PPP1R12A: variants seen among roughly 807,000 people sequenced by gnomAD.
The protein encoded by PPP1R12A is myosin binding subunit.
A neutral mutation model predicts 139.6 loss-of-function variants in PPP1R12A; 19 were observed. That is an observed-to-expected ratio of 0.14 (90% CI 0.09 to 0.20). The LOEUF is 0.20. PPP1R12A is among the 10% of genes least tolerant of loss of function. PPP1R12A has a pLI of 1.00. For synonymous variants in PPP1R12A, 427 were observed against 420.6 expected, an observed-to-expected ratio of 1.02 and a Z score of -0.19; for missense variants, 925 against 1,211.5, an observed-to-expected ratio of 0.76 and a Z score of 3.51.
At chr12:79,915,404 A>T (rs1217556105) in intron 1 of PPP1R12A, among the ~76,000 whole-genome samples, 1 of 152,094 alleles carries the variant, frequency 6.6e-6, no homozygotes, top group Admixed American at 6.5e-5. Flanking sequence ...AAATCTAAAA[A>T]CCTAGACACA....
intron 1 of PPP1R12A, among the ~76,000 whole-genome samples, chr12:79,912,874 G>A (rs906204477): frequency 1.3e-5 from 2 of 152,090 alleles, no homozygotes; most frequent in Non-Finnish European, 2.9e-5. Flanking sequence ...CATAGAGTAC[G>A]TTTCCATTGC....
At chr12:79,859,610 G>A (rs910797368) in intron 2 of PPP1R12A, among the ~76,000 whole-genome samples, 2 of 151,996 alleles carry the variant, frequency 1.3e-5, no homozygotes, top group African/African-American at 4.8e-5. Flanking sequence ...TTTCTATGCT[G>A]AAAATGTCAC....
intron 1 of PPP1R12A, among the ~76,000 whole-genome samples, chr12:79,905,285 A>G (rs1362312744): frequency 6.6e-6 from 1 of 151,588 alleles, no homozygotes; most frequent in Non-Finnish European, 1.5e-5. Flanking sequence ...TAGAGCGTGA[A>G]CCACATAAAG....
chr12:79,913,143 ATTTTC>A (rs1453806913), intron 1 of PPP1R12A, among the ~76,000 whole-genome samples: 2 of 152,146 alleles, frequency 1.3e-5, no homozygotes, highest in Non-Finnish European at 2.9e-5. Flanking sequence ...CCAATAGAAT[ATTTTC>A]TTTTGTGATG....
chr12:79,890,785 A>G (rs1457420518), intron 1 of PPP1R12A, among the ~76,000 whole-genome samples: 4 of 152,012 alleles, frequency 2.6e-5, no homozygotes, highest in Admixed American at 6.6e-5. Context: ...ATCAGACATA[A>G]GCATACACAT....
intron 2 of PPP1R12A, among the ~76,000 whole-genome samples, chr12:79,864,827 T>C (rs1244828863): frequency 2.0e-5 from 3 of 152,122 alleles, no homozygotes; most frequent in African/African-American, 7.2e-5. Flanking sequence ...GAGGCAATAA[T>C]AGCCTACCAA....
At chr12:79,918,298 C>T (rs1887160939) in intron 1 of PPP1R12A, among the ~76,000 whole-genome samples, 1 of 152,134 alleles carries the variant, frequency 6.6e-6, no homozygotes, top group African/African-American at 2.4e-5. Context: ...AAAAACCACA[C>T]TCCAAGCATG....
chr12:79,786,203 C>A (rs542876276), intron 22 of PPP1R12A, among the ~76,000 whole-genome samples, 171 bp downstream of exon 22: 2 of 152,238 alleles, frequency 1.3e-5, no homozygotes, highest in African/African-American at 4.8e-5. Flanking sequence ...TTGACTATGA[C>A]TATTTTTTAA....
intron 1 of PPP1R12A, among the ~76,000 whole-genome samples, chr12:79,904,222 A>G (rs1255349035): frequency 6.6e-6 from 1 of 151,958 alleles, no homozygotes; most frequent in African/African-American, 2.4e-5. Flanking sequence ...CTCCAAAAAA[A>G]AAAAGGAGTG....
rs1432870278 is a variant in PPP1R12A at position 79,845,174 on chromosome 12, G to C, written c.487+128C>G. ...GAAAACAGAAACATACTGTACTATT[G>C]TTTTGCAAGCTGAATTCATTTTTTT... is the stretch of plus-strand genomic sequence containing the variant. On this transcript the variant is annotated intron_variant, in intron 3 of 24. Transcript: ENST00000450142. 3 of 693,426 alleles carry C rather than the reference G, an allele frequency of 4.3e-6. No individual in the cohort carries two copies. In the East Asian group the frequency reaches 8.3e-5, roughly 19 times the overall value. The allele number at this position is 693,426 out of a possible 1,614,324, so 43.0% of individuals were successfully genotyped here.
intron 24 of PPP1R12A, chr12:79,777,546 T>C (rs576094926): frequency 6.3e-5 from 62 of 985,316 alleles, no homozygotes; most frequent in South Asian, 9.4e-5. Context: ...CAGTTGCCTA[T>C]AGAACCCTGA....
At chr12:79,804,603 C>T (rs374838147) in intron 14 of PPP1R12A, among the ~76,000 whole-genome samples, 14 of 151,228 alleles carry the variant, frequency 9.3e-5, no homozygotes, top group African/African-American at 1.7e-4. Flanking sequence ...GTAAGTACTA[C>T]GTGACAGAAA....
intron 3 of PPP1R12A, among the ~76,000 whole-genome samples, chr12:79,835,049 G>T (rs192013262): frequency 1.3e-3 from 192 of 152,284 alleles, no homozygotes; most frequent in Non-Finnish European, 2.3e-3. Flanking sequence ...AAGACCCATC[G>T]TCAATGTGCA....
At position 79,797,414 on chromosome 12, in the gene PPP1R12A, C is replaced by G. The variant is rs1393050967; in HGVS notation, c.2092-19G>C. 3 of 1,555,350 alleles carry G rather than the reference C, an allele frequency of 1.9e-6. No homozygotes were observed. The African/African-American group carries it at 4.1e-5, about 21-fold the overall frequency. On this transcript the variant is annotated intron_variant, in intron 15 of 24. Transcript: ENST00000450142. ...TCACTCCCTGCACACACAAAAAGAT[C>G]AATATAATTATGAGATGCATTAAAG...
chr12:79,886,958 G>A (rs1439345894), intron 1 of PPP1R12A, among the ~76,000 whole-genome samples: 1 of 151,992 alleles, frequency 6.6e-6, no homozygotes, highest in Non-Finnish European at 1.5e-5. Flanking sequence ...ACTTAGTAAG[G>A]GCACAGAATT....
chr12:79,781,901 A>G, intron 22 of PPP1R12A, 39 bp from the exon 23 acceptor site: 1 of 1,352,810 alleles, frequency 7.4e-7, no homozygotes, highest in Non-Finnish European at 1.0e-6. Flanking sequence ...GATAAGTGCA[A>G]AAAAGTTCAG....
At chr12:79,835,885 T>C (rs920089881) in intron 3 of PPP1R12A, among the ~76,000 whole-genome samples, 8 of 152,206 alleles carry the variant, frequency 5.3e-5, no homozygotes, top group African/African-American at 9.6e-5. Flanking sequence ...TCTACCTGAA[T>C]TGTATTTTTA....
rs763879510 is a variant in PPP1R12A, at chr12:79,795,771, T to A, written c.2462-12A>T. ...TCTTTTTTCTCCCTCTGTTAAGGAT[T>A]GCAATGAACCACAATATAGCAATAT... On this transcript the variant is annotated splice_polypyrimidine_tract_variant and intron_variant, in intron 17 of 24. Coordinates refer to ENST00000450142, the MANE Select transcript of PPP1R12A (RefSeq NM_002480.3). 90 of 1,606,142 alleles carry A rather than the reference T, an allele frequency of 5.6e-5. No homozygotes were observed. The highest frequency in any genetic ancestry group is 7.7e-5 in the Non-Finnish European group (90 of 1,176,398).
rs147860086 is a variant in PPP1R12A at position 79,887,674 on chromosome 12, CAGCT to C, written c.238-14740_238-14737del. ...GTTTATCAGATGTGGTTCACAAACT[CAGCT>C]AGAGGGGTTTAATCAATAAATACAC... On this transcript the variant is annotated intron_variant, in intron 1 of 24. Transcript: ENST00000450142. 2.6e-3 allele frequency among the ~76,000 whole-genome samples: 389 copies of C among 152,210 alleles called. 6 individuals carry two copies. Among genetic ancestry groups the C allele is most frequent in the African/African-American group, 9.1e-3 (379 of 41,546 alleles).
Sources: gnomAD v4.1 joint callset for allele counts (sites outside exome capture counted in the v4.1 genomes callset) on GRCh38, gnomAD v4.1.1 for gene constraint, MANE v1.5 for transcripts, NCBI Gene and HGNC (gene_info 2026-07-23, HGNC 2026-07-21) for gene names.